The following CDH11 variants were observed in gnomAD, a reference collection of about 807,000 sequenced individuals.
CDH11 encodes cadherin 11.
CDH11 carries 11 observed loss-of-function variants against 67.8 expected under a neutral mutation model. That is an observed-to-expected ratio of 0.16 (90% CI 0.10 to 0.27). CDH11 has a LOEUF of 0.27. Among genes scored for constraint, CDH11 ranks in the 10% least tolerant of loss-of-function variants. The pLI is 1.00. For missense variants in CDH11, 847 were observed against 1,031.2 expected, an observed-to-expected ratio of 0.82 and a Z score of 2.45; for synonymous variants, 419 against 400.0, an observed-to-expected ratio of 1.05 and a Z score of -0.57.
intron 2 of CDH11, among the ~76,000 whole-genome samples, chr16:65,007,563 G>A (rs915813447): frequency 1.3e-5 from 2 of 152,186 alleles, no homozygotes; most frequent in Non-Finnish European, 2.9e-5. Context: ...GAGGCTGTAT[G>A]AAACAACAGA....
rs1234130665 is a variant in CDH11 at position 64,950,949 on chromosome 16, G to A, written c.1712C>T (p.Pro571Leu). 2.5e-6 allele frequency: 4 copies of A among 1,614,148 alleles called. No homozygotes were observed. In the South Asian group the frequency reaches 4.4e-5, roughly 18 times the overall value. Residue 571 changes from proline to leucine, a missense_variant, in exon 12 of 13, where the codon CCC becomes CTC. Pro to Leu is a moderately conservative substitution (Grantham distance 98). Coordinates refer to ENST00000268603, the MANE Select transcript of CDH11 (RefSeq NM_001797.4). ...GATGCCGCCATCGCTGATCACTATG[G>A]GCAGAAGGTACAAGTCCTGCTTCTG... is the stretch of plus-strand genomic sequence containing the variant. Reference protein sequence around the residue: ...SRQKQDLYLLPIVISDGGIPP... With the variant: ...SRQKQDLYLLLIVISDGGIPP...
chr16:65,074,275 C>G (rs543298347), intron 1 of CDH11, among the ~76,000 whole-genome samples: 2 of 152,100 alleles, frequency 1.3e-5, no homozygotes, highest in Non-Finnish European at 2.9e-5. Context: ...TAAAACAGTG[C>G]CAGCTCGATA....
rs1374310390 is a variant in CDH11 at position 64,995,011 on chromosome 16, T to C, written c.524-1977A>G. Among the ~76,000 whole-genome samples, 11 of 152,188 alleles carry C rather than the reference T, an allele frequency of 7.2e-5. No individual in the cohort carries two copies. The East Asian group carries it at 2.1e-3, about 29-fold the overall frequency. On this transcript the variant is annotated intron_variant, in intron 4 of 12. Transcript: ENST00000268603. ...GAATACATCTAACCAAGGAGGTAAATGATCTGTACAAGGAGAATTTCGAAA... is the reference window on the plus strand; with the variant it reads ...GAATACATCTAACCAAGGAGGTAAACGATCTGTACAAGGAGAATTTCGAAA...
intron 11 of CDH11, among the ~76,000 whole-genome samples, chr16:64,957,600 GCACACACACACACA>G (rs66508762): frequency 6.9e-6 from 1 of 145,028 alleles, no homozygotes; most frequent in Non-Finnish European, 1.5e-5. Context: ...ACATGCCCGT[GCACACACACACACA>G]CACACACACA....
chr16:64,956,308 G>A (rs2071509521), intron 11 of CDH11, among the ~76,000 whole-genome samples: 1 of 152,148 alleles, frequency 6.6e-6, no homozygotes, highest in Admixed American at 6.5e-5. Context: ...CCAGCCTGTT[G>A]GCGATGCTCA....
chr16:65,036,851 T>C (rs1359973226), intron 2 of CDH11, among the ~76,000 whole-genome samples: 1 of 152,160 alleles, frequency 6.6e-6, no homozygotes, highest in Non-Finnish European at 1.5e-5. Flanking sequence ...TTTGCAAACA[T>C]CTGCCACTTG....
At chr16:65,053,051 T>C (rs986796436) in intron 2 of CDH11, among the ~76,000 whole-genome samples, 1 of 152,042 alleles carries the variant, frequency 6.6e-6, no homozygotes, top group Non-Finnish European at 1.5e-5. Context: ...GACATCTACA[T>C]GGAGACGAGC....
intron 1 of CDH11, among the ~76,000 whole-genome samples, chr16:65,112,472 A>G (rs1294516347): frequency 2.0e-5 from 3 of 152,172 alleles, no homozygotes; most frequent in Non-Finnish European, 4.4e-5. Context: ...GGGCCCTTAC[A>G]GTATGAAGCC....
At chr16:64,973,275 G>C (rs1054633749) in intron 8 of CDH11, among the ~76,000 whole-genome samples, 1 of 152,116 alleles carries the variant, frequency 6.6e-6, no homozygotes, top group Non-Finnish European at 1.5e-5. Context: ...TAGCATATTT[G>C]ATTGAGAAGT....
intron 1 of CDH11, among the ~76,000 whole-genome samples, chr16:65,105,413 A>C (rs1320263324): frequency 6.6e-6 from 1 of 152,186 alleles, no homozygotes; most frequent in Non-Finnish European, 1.5e-5. Context: ...CTCCATCAAC[A>C]CATTCCCACA....
chr16:64,996,588 C>T (rs976865371), intron 4 of CDH11, among the ~76,000 whole-genome samples: 1 of 152,090 alleles, frequency 6.6e-6, no homozygotes, highest in Non-Finnish European at 1.5e-5. Context: ...AAAACGCCTG[C>T]ACTTGTATAT....
At chr16:65,112,082 A>T (rs1006878329) in intron 1 of CDH11, among the ~76,000 whole-genome samples, 1 of 151,678 alleles carries the variant, frequency 6.6e-6, no homozygotes, top group Non-Finnish European at 1.5e-5. Flanking sequence ...AAAAAAAAAA[A>T]AAAAAAGAAT....
At chr16:65,076,108 C>T (rs528340812) in intron 1 of CDH11, among the ~76,000 whole-genome samples, 38 of 152,280 alleles carry the variant, frequency 2.5e-4, no homozygotes, top group African/African-American at 7.7e-4. Context: ...GAGAGTTTGC[C>T]AACAAGCCAG....
chr16:65,073,398 A>C (rs2074453312), intron 1 of CDH11, among the ~76,000 whole-genome samples: 1 of 152,186 alleles, frequency 6.6e-6, no homozygotes, highest in Non-Finnish European at 1.5e-5. Flanking sequence ...CTCATGCCTC[A>C]GCCTCCCGAG....
At chr16:65,052,223 T>C (rs2074067840) in intron 2 of CDH11, among the ~76,000 whole-genome samples, 1 of 152,116 alleles carries the variant, frequency 6.6e-6, no homozygotes, top group South Asian at 2.1e-4. Context: ...ATACAGTACT[T>C]GCAACTGGGA....
intron 11 of CDH11, among the ~76,000 whole-genome samples, chr16:64,965,205 C>CAAAAAA (rs71143537): frequency 1.8e-5 from 1 of 56,956 alleles, no homozygotes; most frequent in African/African-American, 8.9e-5. Flanking sequence ...CTAAAAATAC[C>CAAAAAA]AAAAAAAAAA....
intron 1 of CDH11, among the ~76,000 whole-genome samples, chr16:65,066,771 T>G (rs1405892936): frequency 6.6e-6 from 1 of 152,228 alleles, no homozygotes; most frequent in Non-Finnish European, 1.5e-5. Context: ...CTCCAGTCCC[T>G]GTGAGGTTAT....
chr16:64,950,782 T>C lies in CDH11; in HGVS notation c.1879A>G (p.Ile627Val). Residue 627 changes from isoleucine (I) to valine (V), a missense_variant, in exon 12 of 13, where the codon ATC becomes GTC. Ile to Val is a conservative substitution (Grantham distance 29, BLOSUM62 3). This residue lies in a region of CDH11 where 612 missense variants were observed against 678.7 expected (regional missense o/e 0.90). Transcript: ENST00000268603. Reference sequence around the variant, plus strand: ...GCGCCCTTACCCAGGAGAATGACGATGCAGGCGAGGATGGCGATCAGGGCG... The same window carrying C: ...GCGCCCTTACCCAGGAGAATGACGACGCAGGCGAGGATGGCGATCAGGGCG... ...TGALIAILAC[I>V]VILLVIVVLF... The C allele has an allele frequency of 1.9e-6, 3 of 1,613,862 alleles. No homozygotes were observed. Among genetic ancestry groups the C allele is most frequent in the Non-Finnish European group, 2.5e-6 (3 of 1,179,828 alleles).
intron 1 of CDH11, among the ~76,000 whole-genome samples, chr16:65,098,645 C>T (rs532980676): frequency 4.7e-4 from 71 of 152,198 alleles, no homozygotes; most frequent in African/African-American, 1.4e-3. Flanking sequence ...GGATTACAGG[C>T]ATGAGATACC....
Sources: gnomAD v4.1 joint callset for allele counts (sites outside exome capture counted in the v4.1 genomes callset) on GRCh38, gnomAD v4.1.1 for gene constraint, gnomAD v4.1.1 regional missense constraint, MANE v1.5 for transcripts, NCBI Gene and HGNC (gene_info 2026-07-23, HGNC 2026-07-21) for gene names.